Variants in CDON observed in about 807,000 individuals in gnomAD.
The protein encoded by CDON is cell adhesion molecule-related/down-regulated by oncogenes.
Under a neutral mutation model 120.9 loss-of-function variants are expected in CDON, and 73 were observed. That is an observed-to-expected ratio of 0.60 (90% CI 0.50 to 0.73). The LOEUF is 0.73. Ranked by LOEUF, CDON falls within the 30% of genes least tolerant of loss-of-function variation. The probability of loss-of-function intolerance (pLI) is 0.00; values close to 1 mark genes in which losing one functional copy is unlikely to be tolerated. For synonymous variants in CDON, 566 were observed against 573.5 expected, an observed-to-expected ratio of 0.99 and a Z score of 0.19; for missense variants, 1,470 against 1,587.3, an observed-to-expected ratio of 0.93 and a Z score of 1.26.
chr11:125,993,393 GTGCA>G (rs1946685444), intron 14 of CDON, among the ~76,000 whole-genome samples: 1 of 65,724 alleles, frequency 1.5e-5, no homozygotes. Flanking sequence ...GCGCGCGTGC[GTGCA>G]CACACACACA....
intron 2 of CDON, 97 bp downstream of exon 2, chr11:126,023,304 T>C (rs550636197): frequency 7.1e-6 from 6 of 840,730 alleles, no homozygotes; most frequent in South Asian, 2.7e-5. Context: ...CATCTTTAGA[T>C]AGCACCATTA....
At chr11:125,991,682 G>A (rs1054306173) in intron 14 of CDON, among the ~76,000 whole-genome samples, 2 of 151,656 alleles carry the variant, frequency 1.3e-5, no homozygotes, top group Admixed American at 6.6e-5. Flanking sequence ...TAAGTACAAA[G>A]GATGAATACT....
rs753822974 is a variant in CDON at position 126,017,376 on chromosome 11, C to T, written c.641-1G>A. The T allele has an allele frequency of 6.2e-7, 1 of 1,613,958 alleles. No homozygotes were observed. Among genetic ancestry groups the T allele is most frequent in the South Asian group, 1.1e-5 (1 of 91,068 alleles). ...ATGTGAACATCATCTGAAGAAGGAC[C>T]TGGAAAAGGAAAGGAGATGAGAGAT... On this transcript the variant is annotated splice_acceptor_variant, in intron 5 of 19. Transcript: ENST00000531738. LOFTEE classifies it high-confidence loss of function.
At chr11:125,986,475 A>G (rs1045761575) in intron 15 of CDON, among the ~76,000 whole-genome samples, 2 of 152,162 alleles carry the variant, frequency 1.3e-5, no homozygotes, top group Non-Finnish European at 2.9e-5. Context: ...TAAAAATAAA[A>G]ATCTACTTGG....
Position 126,023,389 on chromosome 11 carries a change from T to C in CDON, c.76+12A>G. On this transcript the variant is annotated intron_variant, in intron 2 of 19. Coordinates refer to ENST00000531738, the MANE Select transcript of CDON (RefSeq NM_001378964.1). ...AAAGGCCAAACCACCCCCTCCCCAATTCTACTCTTACCTGAACTCACAGAA... is the reference window on the plus strand; with the variant it reads ...AAAGGCCAAACCACCCCCTCCCCAACTCTACTCTTACCTGAACTCACAGAA... 5 of 1,558,248 alleles carry C rather than the reference T, an allele frequency of 3.2e-6. No homozygotes were observed. Among genetic ancestry groups the C allele is most frequent in the Non-Finnish European group, 4.4e-6 (5 of 1,128,988 alleles).
chr11:126,048,545 G>C (rs1242762386), intron 1 of CDON, among the ~76,000 whole-genome samples: 1 of 152,086 alleles, frequency 6.6e-6, no homozygotes, highest in African/African-American at 2.4e-5. Flanking sequence ...TAAAGCCAAA[G>C]ACTTCCAAAT....
chr11:126,005,930 G>T lies in CDON; in HGVS notation c.1680C>A (p.Pro560=). The T allele has an allele frequency of 6.2e-7, 1 of 1,614,106 alleles. No homozygotes were observed. The highest frequency in any genetic ancestry group is 1.1e-5 in the South Asian group (1 of 91,082). ...LLSSFPVKVH[P]SAVESAPEKN... The stretch of plus-strand genomic sequence containing the variant: ...TCTCTGGTGCTGATTCCACTGCACT[G>T]GGATGGACCTTCACCGGAAATGAGC... Residue 560 remains proline (P), a synonymous_variant, in exon 9 of 20, where the codon CCC becomes CCA. Coordinates refer to ENST00000531738, the MANE Select transcript of CDON (RefSeq NM_001378964.1).
intron 7 of CDON, among the ~76,000 whole-genome samples, chr11:126,014,419 T>C (rs1181145072): frequency 6.6e-6 from 1 of 152,178 alleles, no homozygotes; most frequent in East Asian, 1.9e-4. Flanking sequence ...CAATGCCCCA[T>C]GTTGGTGAGG....
At chr11:126,025,899 T>C (rs754150478) in intron 1 of CDON, among the ~76,000 whole-genome samples, 16 of 152,170 alleles carry the variant, frequency 1.1e-4, no homozygotes, top group African/African-American at 1.7e-4. Context: ...ACAATGTCCA[T>C]GCCATTCTCC....
chr11:125,973,018 C>CTTTTTTTTTTTTTTTTT lies in CDON; in HGVS notation c.3356+5269_3356+5285dup, dbSNP rs35828939. 8.6e-4 allele frequency among the ~76,000 whole-genome samples: 75 copies of CTTTTTTTTTTTTTTTTT among 87,034 alleles called. 5 individuals carry two copies. The highest frequency in any genetic ancestry group is 3.8e-3 in the South Asian group (7 of 1,862). 57.1% of individuals were successfully genotyped at this position (87,034 alleles called of 152,430 possible). On this transcript the variant is annotated intron_variant, in intron 18 of 19. Coordinates refer to ENST00000531738, the MANE Select transcript of CDON (RefSeq NM_001378964.1). ...TGGCCTCTTCAACCAATTACTTGGT[C>CTTTTTTTTTTTTTTTTT]TTTTTTTTTTTTTTTTTTTTTTTTA...
At chr11:126,005,673 T>A (rs1009470793) in intron 9 of CDON, 86 bp downstream of exon 9, 2 of 1,252,116 alleles carry the variant, frequency 1.6e-6, no homozygotes, top group African/African-American at 2.9e-5. Flanking sequence ...TTTCCTGCCA[T>A]TCTACAAATG....
chr11:126,057,163 A>G (rs981312824), intron 1 of CDON, among the ~76,000 whole-genome samples: 1 of 152,214 alleles, frequency 6.6e-6, no homozygotes, highest in Admixed American at 6.5e-5. Context: ...GTGAATAAAA[A>G]TGAGGTCATG....
In CDON at chr11:125,981,169, C is replaced by T. The variant is rs758026817; in HGVS notation, c.3156G>A (p.Lys1052=). 158 of 1,614,000 alleles carry T rather than the reference C, an allele frequency of 9.8e-5. 2 individuals carry two copies. In the South Asian group the frequency reaches 1.6e-3, roughly 17 times the overall value. The change falls in exon 17 of 20, where the codon AAG becomes AAA. Residue 1052 remains lysine, a synonymous_variant. Coordinates refer to ENST00000531738, the MANE Select transcript of CDON (RefSeq NM_001378964.1). ...CAATTCCATTGACTGCATTGGGGAC[C>T]TTATGGTGAAGGTGGGAATAGCCAC... The part of the protein sequence containing the change: ...LSSGYSHLHH[K]VPNAVNGIVN...
chr11:125,981,421 C>A (rs1446433788), intron 16 of CDON, 92 bp from the exon 17 acceptor site: 12 of 954,596 alleles, frequency 1.3e-5, no homozygotes, highest in African/African-American at 1.8e-5. Context: ...CATGCACATA[C>A]GCACACACGC....
chr11:125,980,699 T>C (rs933872481), intron 17 of CDON, among the ~76,000 whole-genome samples: 2 of 152,222 alleles, frequency 1.3e-5, no homozygotes, highest in African/African-American at 2.4e-5. Context: ...CCTGACTCTT[T>C]TCGGCATTTG....
chr11:125,990,417 GCA>G (rs1946603929), intron 14 of CDON, among the ~76,000 whole-genome samples: 1 of 152,120 alleles, frequency 6.6e-6, no homozygotes, highest in Non-Finnish European at 1.5e-5. Context: ...GTTATCCGTG[GCA>G]CACAGCCAAC....
intron 5 of CDON, among the ~76,000 whole-genome samples, chr11:126,017,603 C>T (rs369747617): frequency 6.6e-6 from 1 of 152,084 alleles, no homozygotes; most frequent in Admixed American, 6.5e-5. Context: ...TCAGAAGCCA[C>T]GCCTCTGCTA....
intron 1 of CDON, among the ~76,000 whole-genome samples, chr11:126,033,788 C>G (rs1948014277): frequency 6.6e-6 from 1 of 152,156 alleles, no homozygotes; most frequent in Admixed American, 6.5e-5. Flanking sequence ...GAGAGGCAAA[C>G]AGAGTGCTAC....
intron 18 of CDON, among the ~76,000 whole-genome samples, chr11:125,971,912 T>C (rs1374346790): frequency 2.0e-5 from 3 of 152,220 alleles, no homozygotes; most frequent in Non-Finnish European, 4.4e-5. Context: ...TAATTACATA[T>C]CCAGAACTGC....
Sources: allele counts gnomAD v4.1 joint callset (sites outside exome capture counted in the v4.1 genomes callset), GRCh38; gene constraint gnomAD v4.1.1; transcripts MANE v1.5; gene names NCBI Gene and HGNC (gene_info 2026-07-23, HGNC 2026-07-21).